The following ARHGAP32 variants were observed in gnomAD, a reference collection of about 807,000 sequenced individuals.
The protein encoded by ARHGAP32 is Rho GTPase activating protein 32.
A neutral mutation model predicts 186.5 loss-of-function variants in ARHGAP32; 51 were observed. The ratio of observed to expected loss-of-function variants is 0.27; its 90% CI spans 0.22 to 0.35. The LOEUF is 0.35. ARHGAP32 is among the 10% of genes least tolerant of loss of function. The pLI, the probability that ARHGAP32 is intolerant of heterozygous loss-of-function variation, is 1.00. For missense variants in ARHGAP32, 2,186 were observed against 2,623.5 expected (o/e 0.83, Z 3.64); for synonymous variants, 950 against 964.3 (o/e 0.99, Z 0.27).
intron 11 of ARHGAP32, among the ~76,000 whole-genome samples, chr11:129,004,896 T>C (rs1937681557): frequency 6.6e-6 from 1 of 152,168 alleles, no homozygotes. Context: ...TCAGACTTCC[T>C]CCAACCATTT....
chr11:128,987,056 T>A (rs1945893837), intron 13 of ARHGAP32, among the ~76,000 whole-genome samples: 1 of 152,228 alleles, frequency 6.6e-6, no homozygotes, highest in African/African-American at 2.4e-5. Context: ...TGAACAATTA[T>A]GAGCAGAAAT....
intron 2 of ARHGAP32, among the ~76,000 whole-genome samples, chr11:129,127,783 A>AT (rs11447535): frequency 0.71 from 108,357 of 151,890 alleles, 38,991 homozygotes; most frequent in South Asian, 0.83. Flanking sequence ...AAGTTTTCCT[A>AT]TTTTCATGTT....
At chr11:129,139,396 C>T (rs1468300766) in intron 2 of ARHGAP32, among the ~76,000 whole-genome samples, 1 of 152,078 alleles carries the variant, frequency 6.6e-6, no homozygotes, top group Non-Finnish European at 1.5e-5. Context: ...CCTGCCCAAT[C>T]GATTTTATGG....
At chr11:129,052,226 T>C (rs1195277017) in intron 10 of ARHGAP32, among the ~76,000 whole-genome samples, 1 of 152,216 alleles carries the variant, frequency 6.6e-6, no homozygotes, top group African/African-American at 2.4e-5. Context: ...CAACTGTATG[T>C]ATGTATTTCA....
intron 15 of ARHGAP32, among the ~76,000 whole-genome samples, chr11:128,985,407 C>T (rs1028190396): frequency 2.0e-5 from 3 of 152,040 alleles, no homozygotes; most frequent in East Asian, 1.9e-4. Context: ...CTAGAACATC[C>T]GCTGAGTTTA....
rs747042360 is a variant in ARHGAP32 at position 128,972,803 on chromosome 11, C to T, written c.3703G>A (p.Val1235Met). 6.2e-7 allele frequency: 1 copy of T among 1,613,920 alleles called. No homozygotes were observed. Among genetic ancestry groups the T allele is most frequent in the East Asian group, 2.2e-5 (1 of 44,852 alleles). The change falls in exon 22 of 23, where the codon GTG becomes ATG. Residue 1235 changes from valine (V) to methionine (M), a missense_variant. This residue lies in a region of ARHGAP32 where 1,502 missense variants were observed against 1,570.0 expected (regional missense o/e 0.96). Transcript: ENST00000682385. ...TCTAAAGGGTGATGGAGTTTATCCA[C>T]ACTTGCACCAAGATAAGAAGGAGGC... ...DQPPSYLGASVDKLHHPLEFA... is the reference protein window; with the variant it reads ...DQPPSYLGASMDKLHHPLEFA...
chr11:128,974,677 C>T lies in ARHGAP32; in HGVS notation c.2520G>A (p.Lys840=). Residue 840 remains lysine (K), a synonymous_variant, in exon 21 of 23, where the codon AAG becomes AAA. Coordinates refer to ENST00000682385, the MANE Select transcript of ARHGAP32 (RefSeq NM_001378024.1). ...ASFLDSPGYS[K]DKPSANKKDA... ...CCTTTTTATTGGCACTTGGTTTATC[C>T]TTGGAGTATCCTGGTGAATCTAAAA... is the stretch of plus-strand genomic sequence containing the variant. The T allele has an allele frequency of 6.2e-7, 1 of 1,614,152 alleles. No individual in the cohort carries two copies. Among genetic ancestry groups the T allele is most frequent in the Non-Finnish European group, 8.5e-7 (1 of 1,180,026 alleles).
Position 129,123,390 on chromosome 11 carries a change from A to T in ARHGAP32, c.444+56T>A, listed in dbSNP as rs1942580666. 1 of 1,421,928 alleles carries T rather than the reference A, an allele frequency of 7.0e-7. No homozygotes were observed. Among genetic ancestry groups the T allele is most frequent in the African/African-American group, 1.4e-5 (1 of 70,792 alleles). The allele number at this position is 1,421,928 out of a possible 1,614,324, so 88.1% of individuals were successfully genotyped here. A position where few individuals can be genotyped will look rare whatever the true frequency, so the allele number is the denominator to read the frequency against. ...TACAGATATATAGATAAGCATCTAG[A>T]TATAAAGGTAAATGTGTAAATCTTA... is the stretch of plus-strand genomic sequence containing the variant. On this transcript the variant is annotated intron_variant, in intron 5 of 22. Coordinates refer to ENST00000682385, the MANE Select transcript of ARHGAP32 (RefSeq NM_001378024.1). The surrounding 1 kb of genome is among the most constrained non-coding windows in gnomAD (Gnocchi z 4.6).
chr11:128,975,127 T>G (rs1945506479), intron 20 of ARHGAP32, 125 bp from the exon 21 acceptor site: 1 of 784,348 alleles, frequency 1.3e-6, no homozygotes, highest in South Asian at 1.9e-5. Flanking sequence ...TCTCATTTTC[T>G]TTCTGAAAAT....
At chr11:129,271,243 C>T (rs1010853698) in intron 1 of ARHGAP32, among the ~76,000 whole-genome samples, 24 of 151,980 alleles carry the variant, frequency 1.6e-4, no homozygotes, top group African/African-American at 4.1e-4. Flanking sequence ...GTTTGCCAGA[C>T]GACAAAGCCT....
intron 6 of ARHGAP32, among the ~76,000 whole-genome samples, chr11:129,076,753 G>C (rs1157812699): frequency 1.3e-5 from 2 of 152,130 alleles, no homozygotes; most frequent in Non-Finnish European, 2.9e-5. Context: ...TGGCTAGGAG[G>C]CAAGACTAAC....
At chr11:129,217,696 AT>A (rs1944663599) in intron 1 of ARHGAP32, among the ~76,000 whole-genome samples, 1 of 152,176 alleles carries the variant, frequency 6.6e-6, no homozygotes, top group Admixed American at 6.6e-5. Context: ...GAAGATTTTT[AT>A]TTAAGAAATG....
At chr11:129,114,640 C>T (rs897702533) in intron 5 of ARHGAP32, among the ~76,000 whole-genome samples, 5 of 152,004 alleles carry the variant, frequency 3.3e-5, no homozygotes, top group African/African-American at 1.2e-4. Context: ...ACTATATTTG[C>T]CTGTAGAAAT....
intron 1 of ARHGAP32, among the ~76,000 whole-genome samples, chr11:129,183,740 C>G (rs1944101594): frequency 6.6e-6 from 1 of 152,034 alleles, no homozygotes; most frequent in Non-Finnish European, 1.5e-5. Flanking sequence ...GAAGAAGACA[C>G]TGAAGCAGCC....
At chr11:129,139,679 G>A (rs151250559) in intron 2 of ARHGAP32, among the ~76,000 whole-genome samples, 10 of 152,102 alleles carry the variant, frequency 6.6e-5, no homozygotes, top group South Asian at 2.1e-4. Flanking sequence ...TTTGCCTGCC[G>A]CCATCCATGT....
intron 3 of ARHGAP32, 40 bp downstream of exon 3, chr11:129,124,763 G>A (rs771712151): frequency 4.8e-5 from 68 of 1,418,422 alleles, no homozygotes; most frequent in East Asian, 2.3e-4. Context: ...ATTTCCATTC[G>A]TAGGAATTCA....
At position 128,970,834 on chromosome 11, in the gene ARHGAP32, G is replaced by A. The variant is rs867242293; in HGVS notation, c.4379C>T (p.Ala1460Val). The change falls in exon 23 of 23, where the codon GCT becomes GTT. Residue 1460 changes from alanine (A) to valine (V), a missense_variant. Ala to Val is a moderately conservative substitution (Grantham distance 64). Around this residue, in one of 5 missense-constraint regions of ARHGAP32, gnomAD observed 1,502 missense variants for 1,570.0 expected, o/e 0.96. Transcript: ENST00000682385. The surrounding 1 kb of genome is among the most constrained non-coding windows in gnomAD (Gnocchi z 5.8). ...SSSNYHSFVTASSTSVDDALP... is the reference protein window; with the variant it reads ...SSSNYHSFVTVSSTSVDDALP... ...TGCATCGTCCACAGAGGTGGATGAAGCAGTGACAAAGGAATGATAATTTGA... is the reference window on the plus strand; with the variant it reads ...TGCATCGTCCACAGAGGTGGATGAAACAGTGACAAAGGAATGATAATTTGA... 3 of 1,614,244 alleles carry A rather than the reference G, an allele frequency of 1.9e-6. No homozygotes were observed. The highest frequency in any genetic ancestry group is 2.5e-6 in the Non-Finnish European group (3 of 1,180,038).
upstream of ARHGAP32, among the ~76,000 whole-genome samples, chr11:129,194,920 C>G (rs923518208): frequency 7.2e-6 from 1 of 138,352 alleles, no homozygotes; most frequent in African/African-American, 2.8e-5. Flanking sequence ...CTAAACAACT[C>G]TAACTCCTTC....
chr11:129,244,336 T>C (rs1324253119), intron 1 of ARHGAP32, among the ~76,000 whole-genome samples: 1 of 152,254 alleles, frequency 6.6e-6, no homozygotes, highest in Non-Finnish European at 1.5e-5. Flanking sequence ...TGTATCTGCA[T>C]ATATGGTTAG....
Sources: allele counts gnomAD v4.1 joint callset (sites outside exome capture counted in the v4.1 genomes callset), GRCh38; gene constraint gnomAD v4.1.1; regional missense constraint gnomAD v4.1.1; non-coding constraint Gnocchi (gnomAD v3.1); transcripts MANE v1.5; gene names NCBI Gene and HGNC (gene_info 2026-07-23, HGNC 2026-07-21).